The following VPS18 variants were observed in gnomAD, a reference collection of about 807,000 sequenced individuals.
VPS18 encodes the protein vacuolar protein sorting-associated protein 18 homolog.
VPS18 carries 25 observed loss-of-function variants against 82.0 expected under a neutral mutation model. The observed-to-expected ratio is 0.30, with a 90% CI of 0.22 to 0.43. VPS18 has a LOEUF of 0.43. VPS18 is among the 20% of genes least tolerant of loss of function. VPS18 has a pLI of 1.00. For missense variants in VPS18, 1,168 were observed against 1,311.1 expected (o/e 0.89, Z 1.69); for synonymous variants, 523 against 543.0 (o/e 0.96, Z 0.51).
At position 40,902,142 on chromosome 15, in the gene VPS18, T is replaced by C. The variant is rs1892370194; in HGVS notation, c.2197-474T>C. Among the ~76,000 whole-genome samples the C allele has an allele frequency of 1.3e-5, 2 of 151,416 alleles. No homozygotes were observed. Among genetic ancestry groups the C allele is most frequent in the African/African-American group, 2.4e-5 (1 of 41,144 alleles). ...TTTTTTTTTTTTTTGAGACGGAGTC[T>C]TGCTCTGTTTCCCAGGCAGGAGTGC... is the stretch of plus-strand genomic sequence containing the variant. On this transcript the variant is annotated intron_variant, in intron 4 of 4. Transcript: ENST00000220509. This position sits in a 1 kb window ranked among gnomAD's most constrained non-coding sequence, Gnocchi z 4.2.
Position 40,895,197 on chromosome 15 carries a change from G to A in VPS18, c.91+338G>A, listed in dbSNP as rs537187939. Among the ~76,000 whole-genome samples, 450 of 152,286 alleles carry A rather than the reference G, an allele frequency of 3.0e-3. 2 individuals carry two copies. The highest frequency in any genetic ancestry group is 0.01 in the Middle Eastern group (3 of 294). On this transcript the variant is annotated intron_variant, in intron 1 of 4. Coordinates refer to ENST00000220509, the MANE Select transcript of VPS18 (RefSeq NM_020857.3). ...CTTCTGCTGATGCTTTTCCCACCAG[G>A]CCCCTTCTGGAGGTGGGAGGGAAGG...
chr15:40,894,709 G>A lies in VPS18; in HGVS notation c.-60G>A. ...TCCATTCTGGGGCGACGGGGACCCC[G>A]GGGGGGTAGCCCTTTTGTAATCCCC... is the stretch of plus-strand genomic sequence containing the variant. On this transcript the variant is annotated 5_prime_UTR_variant, in exon 1 of 5. Coordinates refer to ENST00000220509, the MANE Select transcript of VPS18 (RefSeq NM_020857.3). 7.3e-7 allele frequency: 1 copy of A among 1,371,490 alleles called. No individual in the cohort carries two copies. Among genetic ancestry groups the A allele is most frequent in the Non-Finnish European group, 9.5e-7 (1 of 1,053,400 alleles). The allele number at this position is 1,371,490 out of a possible 1,614,324, so 85.0% of individuals were successfully genotyped here.
At position 40,900,149 on chromosome 15, in the gene VPS18, G is replaced by C; in HGVS notation, c.1331G>C (p.Arg444Pro). The change falls in exon 4 of 5, where the codon CGC becomes CCC. Residue 444 changes from arginine to proline, a missense_variant. By Grantham distance (103) the Arg-to-Pro change is moderately radical. Coordinates refer to ENST00000220509, the MANE Select transcript of VPS18 (RefSeq NM_020857.3). The surrounding 1 kb of genome is among the most constrained non-coding windows in gnomAD (Gnocchi z 5.4). Reference sequence around the variant, plus strand: ...CAGCGTCGCTACCTGGAGAGCGCACGCTGCTATGCCCTGACCCAGAGCTAC... The same window carrying C: ...CAGCGTCGCTACCTGGAGAGCGCACCCTGCTATGCCCTGACCCAGAGCTAC... Reference protein sequence around the residue: ...FRQRRYLESARCYALTQSYFE... With the variant: ...FRQRRYLESAPCYALTQSYFE... 2.5e-6 allele frequency: 4 copies of C among 1,613,786 alleles called. No homozygotes were observed. Among genetic ancestry groups the C allele is most frequent in the Non-Finnish European group, 3.4e-6 (4 of 1,180,026 alleles).
rs1419954547 is a variant in VPS18, at chr15:40,902,837, C to T, written c.2418C>T (p.Cys806=). 4 of 1,614,258 alleles carry T rather than the reference C, an allele frequency of 2.5e-6. No homozygotes were observed. Among genetic ancestry groups the T allele is most frequent in the Non-Finnish European group, 2.5e-6 (3 of 1,180,050 alleles). Residue 806 remains cysteine, a synonymous_variant, in exon 5 of 5, where the codon TGC becomes TGT. Transcript: ENST00000220509. The surrounding 1 kb of genome is among the most constrained non-coding windows in gnomAD (Gnocchi z 4.2). The part of the protein sequence containing the change: ...VTIDHFKEAI[C]SSLKAYNHHI... ...TCGACCACTTCAAGGAGGCGATCTG[C>T]AGCTCACTTAAGGCCTACAACCACC...
At position 40,903,207 on chromosome 15, in the gene VPS18, G is replaced by A; in HGVS notation, c.2788G>A (p.Glu930Lys). ...GGAATAGPSREQLKADLDELV... is the reference protein window; with the variant it reads ...GGAATAGPSRKQLKADLDELV... ...GGCTGCCACGGCAGGGCCCAGCCGG[G>A]AACAGCTCAAGGCTGACCTGGATGA... The change falls in exon 5 of 5, where the codon GAA (glutamate) becomes AAA (lysine). Residue 930 changes from glutamate (E) to lysine (K), a missense_variant. This residue lies in a region of VPS18 where 296 missense variants were observed against 354.0 expected (regional missense o/e 0.84). Transcript: ENST00000220509. 1 of 1,611,416 alleles carries A rather than the reference G, an allele frequency of 6.2e-7. No individual in the cohort carries two copies. Among genetic ancestry groups the A allele is most frequent in the Non-Finnish European group, 8.5e-7 (1 of 1,178,890 alleles).
chr15:40,894,485 C>A lies in VPS18; in HGVS notation c.-284C>A. On this transcript the variant is annotated 5_prime_UTR_variant, in exon 1 of 5. In the 5' UTR this introduces an upstream ATG that the reference lacks. Coordinates refer to ENST00000220509, the MANE Select transcript of VPS18 (RefSeq NM_020857.3). ...GCTGCCGGGGCGAGGTTGGGATCAC[C>A]TGGCACCGGCTGAAGGGAGCCTGTG... 1 of 330,480 alleles carries A rather than the reference C, an allele frequency of 3.0e-6. No homozygotes were observed. The allele number at this position is 330,480 out of a possible 1,614,324, so 20.5% of individuals were successfully genotyped here. A position where few individuals can be genotyped will look rare whatever the true frequency, so the allele number is the denominator to read the frequency against.
At position 40,903,166 on chromosome 15, in the gene VPS18, A is replaced by C; in HGVS notation, c.2747A>C (p.Lys916Thr). Residue 916 changes from lysine to threonine, a missense_variant, in exon 5 of 5, where the codon AAG becomes ACG. By Grantham distance (78) the Lys-to-Thr change is moderately conservative. Coordinates refer to ENST00000220509, the MANE Select transcript of VPS18 (RefSeq NM_020857.3). ...PPPAKGSARA[K>T]EAEGGAATAG... ...CCAGCCAAGGGCTCTGCCCGGGCCA[A>C]GGAGGCCGAGGGTGGGGCTGCCACG... 1 of 1,606,024 alleles carries C rather than the reference A, an allele frequency of 6.2e-7. No homozygotes were observed. Among genetic ancestry groups the C allele is most frequent in the African/African-American group, 1.3e-5 (1 of 74,894 alleles).
rs1363262314 is a variant in VPS18, at chr15:40,902,129, T to C, written c.2197-487T>C. On this transcript the variant is annotated intron_variant, in intron 4 of 4. Transcript: ENST00000220509. This position sits in a 1 kb window ranked among gnomAD's most constrained non-coding sequence, Gnocchi z 4.2. ...CTTTCTTTCTTTCTTTTTTTTTTTT[T>C]TGAGACGGAGTCTTGCTCTGTTTCC... Among the ~76,000 whole-genome samples the C allele has an allele frequency of 2.0e-5, 3 of 151,208 alleles. No homozygotes were observed. The highest frequency in any genetic ancestry group is 4.4e-5 in the Non-Finnish European group (3 of 67,894).
chr15:40,901,601 A>G (rs1364910462), intron 4 of VPS18, among the ~76,000 whole-genome samples: 5 of 149,930 alleles, frequency 3.3e-5, no homozygotes, highest in African/African-American at 1.2e-4. Flanking sequence ...AAAAAAAAAG[A>G]AAAAGAAAAG....
rs1319250303 is a variant in VPS18, at chr15:40,900,280, G to A, written c.1462G>A (p.Ala488Thr). The A allele has an allele frequency of 6.2e-7, 1 of 1,613,714 alleles. No individual in the cohort carries two copies. Residue 488 changes from alanine to threonine, a missense_variant, in exon 4 of 5, where the codon GCC becomes ACC. Around this residue, in one of 3 missense-constraint regions of VPS18, gnomAD observed 868 missense variants for 939.8 expected, o/e 0.92. Transcript: ENST00000220509. The surrounding 1 kb of genome is among the most constrained non-coding windows in gnomAD (Gnocchi z 5.4). Reference sequence around the variant, plus strand: ...TTTGAAGCCAGCCGAACGTACCCAGGCCACACTGCTGACCACCTGGCTGAC... The same window carrying A: ...TTTGAAGCCAGCCGAACGTACCCAGACCACACTGCTGACCACCTGGCTGAC... ...ASLKPAERTQ[A>T]TLLTTWLTEL...
chr15:40,894,702 G>A lies in VPS18; in HGVS notation c.-67G>A. The A allele has an allele frequency of 6.9e-7, 1 of 1,454,008 alleles. No individual in the cohort carries two copies. Among genetic ancestry groups the A allele is most frequent in the Non-Finnish European group, 9.2e-7 (1 of 1,089,804 alleles). 90.1% of individuals were successfully genotyped at this position (1,454,008 alleles called of 1,614,324 possible). ...TACAGCTTCCATTCTGGGGCGACGGGGACCCCGGGGGGGTAGCCCTTTTGT... is the reference window on the plus strand; with the variant it reads ...TACAGCTTCCATTCTGGGGCGACGGAGACCCCGGGGGGGTAGCCCTTTTGT... On this transcript the variant is annotated 5_prime_UTR_variant, in exon 1 of 5. Transcript: ENST00000220509.
rs372590491 is a variant in VPS18, at chr15:40,903,243, G to A, written c.2824G>A (p.Ala942Thr). The stretch of plus-strand genomic sequence containing the variant: ...GGCTGACCTGGATGAGTTGGTGGCC[G>A]CTGAGTGTGTGTACTGTGGGGAGCT... The part of the protein sequence containing the change: ...LKADLDELVA[A>T]ECVYCGELMI... Residue 942 changes from alanine to threonine, a missense_variant, in exon 5 of 5, where the codon GCT becomes ACT. Ala to Thr is a moderately conservative substitution (Grantham distance 58). Around this residue, in one of 3 missense-constraint regions of VPS18, gnomAD observed 296 missense variants for 354.0 expected, o/e 0.84. Coordinates refer to ENST00000220509, the MANE Select transcript of VPS18 (RefSeq NM_020857.3). 8.1e-6 allele frequency: 13 copies of A among 1,610,640 alleles called. No homozygotes were observed. The highest frequency in any genetic ancestry group is 4.0e-5 in the African/African-American group (3 of 74,860).
chr15:40,900,869 A>G lies in VPS18; in HGVS notation c.2051A>G (p.Glu684Gly). The change falls in exon 4 of 5, where the codon GAG becomes GGG. Residue 684 changes from glutamate to glycine, a missense_variant. Physicochemically the swap from Glu to Gly is moderately conservative, Grantham distance 98. Coordinates refer to ENST00000220509, the MANE Select transcript of VPS18 (RefSeq NM_020857.3). The surrounding 1 kb of genome is among the most constrained non-coding windows in gnomAD (Gnocchi z 5.4). ...GRPDSLLAYLEQAGASPHRVH... is the reference protein window; with the variant it reads ...GRPDSLLAYLGQAGASPHRVH... The stretch of plus-strand genomic sequence containing the variant: ...CCGGACTCACTACTGGCCTATCTGG[A>G]GCAGGCTGGGGCCAGCCCCCACCGG... 6.2e-7 allele frequency: 1 copy of G among 1,614,074 alleles called. No individual in the cohort carries two copies.
In VPS18 at chr15:40,899,643, C is replaced by T. The variant is rs755401146; in HGVS notation, c.825C>T (p.Pro275=). 1.9e-6 allele frequency: 3 copies of T among 1,612,790 alleles called. No homozygotes were observed. In the East Asian group the frequency reaches 6.7e-5, roughly 36 times the overall value. ...LGYSELAFYT[P]KLRSAPRAFA... is the part of the protein sequence containing the mutation. ...ACAGTGAGTTGGCCTTCTACACCCC[C>T]AAGCTGCGCTCCGCACCCCGGGCCT... Residue 275 remains proline (P), a synonymous_variant, in exon 4 of 5, where the codon CCC becomes CCT. Transcript: ENST00000220509. This position sits in a 1 kb window ranked among gnomAD's most constrained non-coding sequence, Gnocchi z 4.4.
intron 2 of VPS18, among the ~76,000 whole-genome samples, chr15:40,898,148 A>G (rs988939181): frequency 2.0e-5 from 3 of 150,048 alleles, no homozygotes; most frequent in African/African-American, 4.9e-5. Flanking sequence ...TTGTATTTTT[A>G]GTAGAGATGT....
chr15:40,896,134 T>G, intron 2 of VPS18, 55 bp downstream of exon 2: 1 of 1,599,706 alleles, frequency 6.3e-7, no homozygotes, highest in East Asian at 2.2e-5. Context: ...GTTTGGGGAC[T>G]GTTAACTCAC....
chr15:40,900,804 C>T lies in VPS18; in HGVS notation c.1986C>T (p.Ala662=), dbSNP rs760089760. The T allele has an allele frequency of 6.2e-7, 1 of 1,614,210 alleles. No individual in the cohort carries two copies. Among genetic ancestry groups the T allele is most frequent in the Admixed American group, 1.7e-5 (1 of 60,032 alleles). The change falls in exon 4 of 5, where the codon GCC becomes GCT. Residue 662 remains alanine, a synonymous_variant. Transcript: ENST00000220509. This position sits in a 1 kb window ranked among gnomAD's most constrained non-coding sequence, Gnocchi z 5.4. ...ACGTGCTGGGGGAGACTGAGCAGGCCATCCACAACTACCTGCTGTCACTGT... is the reference window on the plus strand; with the variant it reads ...ACGTGCTGGGGGAGACTGAGCAGGCTATCCACAACTACCTGCTGTCACTGT... ...CVNVLGETEQ[A]IHNYLLSLYA...
At chr15:40,897,188 G>C (rs1892244202) in intron 2 of VPS18, among the ~76,000 whole-genome samples, 1 of 152,072 alleles carries the variant, frequency 6.6e-6, no homozygotes, top group Admixed American at 6.6e-5. Context: ...CCAGCTATTT[G>C]GGAGGCTGAG....
chr15:40,900,574 C>T lies in VPS18; in HGVS notation c.1756C>T (p.Leu586Phe). ...HEAYEEALAV[L>F]ARHRDPQLFY... ...GGCCTACGAGGAGGCCCTGGCCGTG[C>T]TCGCCCGCCACCGTGACCCCCAGCT... is the stretch of plus-strand genomic sequence containing the variant. The change falls in exon 4 of 5, where the codon CTC becomes TTC. Residue 586 changes from leucine (L) to phenylalanine (F), a missense_variant. By Grantham distance (22) the Leu-to-Phe change is conservative (BLOSUM62 0). This residue lies in a region of VPS18 where 868 missense variants were observed against 939.8 expected (regional missense o/e 0.92). Transcript: ENST00000220509. This position sits in a 1 kb window ranked among gnomAD's most constrained non-coding sequence, Gnocchi z 5.4. 2 of 1,613,930 alleles carry T rather than the reference C, an allele frequency of 1.2e-6. No homozygotes were observed.
Sources: allele counts gnomAD v4.1 joint callset (sites outside exome capture counted in the v4.1 genomes callset), GRCh38; gene constraint gnomAD v4.1.1; regional missense constraint gnomAD v4.1.1; non-coding constraint Gnocchi (gnomAD v3.1); transcripts MANE v1.5; gene names NCBI Gene and HGNC (gene_info 2026-07-23, HGNC 2026-07-21).